The following TTC7B variants were observed in gnomAD, a reference collection of about 807,000 sequenced individuals.
The protein encoded by TTC7B is tetratricopeptide repeat domain 7B.
TTC7B carries 28 observed loss-of-function variants against 106.8 expected under a neutral mutation model. That is an observed-to-expected ratio of 0.26 (90% CI 0.19 to 0.36). TTC7B has a LOEUF of 0.36. Among genes scored for constraint, TTC7B ranks in the 10% least tolerant of loss-of-function variants. TTC7B has a pLI of 1.00. For missense variants in TTC7B, 862 were observed against 1,076.4 expected (o/e 0.80, Z 2.79); for synonymous variants, 405 against 430.6 (o/e 0.94, Z 0.74).
At chr14:90,615,853 C>G (rs778687836) in intron 16 of TTC7B, among the ~76,000 whole-genome samples, 1 of 152,114 alleles carries the variant, frequency 6.6e-6, no homozygotes, top group Admixed American at 6.5e-5. Flanking sequence ...TGCGGGGAGC[C>G]GGAGGGGGAA....
chr14:90,756,075 T>G (rs1595351108), intron 3 of TTC7B, among the ~76,000 whole-genome samples: 1 of 152,232 alleles, frequency 6.6e-6, no homozygotes, highest in East Asian at 1.9e-4. Flanking sequence ...TAACACATGA[T>G]GCCTTGTAAT....
At chr14:90,705,852 T>A (rs1326364026) in intron 5 of TTC7B, among the ~76,000 whole-genome samples, 1 of 152,212 alleles carries the variant, frequency 6.6e-6, no homozygotes, top group Non-Finnish European at 1.5e-5. Flanking sequence ...CTCTTTTTCT[T>A]ACAACTTATC....
chr14:90,770,689 G>A (rs1475566764), intron 3 of TTC7B, among the ~76,000 whole-genome samples: 1 of 151,138 alleles, frequency 6.6e-6, no homozygotes, highest in Non-Finnish European at 1.5e-5. Flanking sequence ...ACAGAAGTAA[G>A]GACATAGAGG....
At position 90,720,625 on chromosome 14, in the gene TTC7B, G is replaced by GCAGGAT. The variant is rs1888857114; in HGVS notation, c.698+9449_698+9450insATCCTG. ...TCTGAAAATACTGCCGTCTGATAAGGTCTTATATCAGCAATTCCCAGGGCA... is the reference window on the plus strand; with the variant it reads ...TCTGAAAATACTGCCGTCTGATAAGGCAGGATTCTTATATCAGCAATTCCCAGGGCA... On this transcript the variant is annotated intron_variant, in intron 5 of 19. Transcript: ENST00000328459. 3.9e-5 allele frequency among the ~76,000 whole-genome samples: 6 copies of GCAGGAT among 152,200 alleles called. No individual in the cohort carries two copies. The South Asian group carries it at 1.2e-3, about 32-fold the overall frequency.
intron 5 of TTC7B, chr14:90,699,051 C>T (rs961080409): frequency 1.3e-5 from 5 of 389,062 alleles, no homozygotes; most frequent in African/African-American, 2.1e-5. Context: ...TTCAACCCTC[C>T]CTCTCGACCC....
At position 90,695,502 on chromosome 14, in the gene TTC7B, T is replaced by A; in HGVS notation, c.775A>T (p.Met259Leu). ...ATCAAGTCACTGTTCACACTTACCA[T>A]TCGCAGGTTTTGAGTCGTTCTTGTT... ...VETRTTQNLR[M>L]TIARQLAEIL... Residue 259 changes from methionine to leucine, a missense_variant and splice_region_variant, in exon 6 of 20, where the codon ATG (methionine) becomes TTG (leucine). Coordinates refer to ENST00000328459, the MANE Select transcript of TTC7B (RefSeq NM_001010854.2). 1.3e-6 allele frequency: 2 copies of A among 1,591,310 alleles called. No individual in the cohort carries two copies. The highest frequency in any genetic ancestry group is 2.3e-5 in the East Asian group (1 of 43,808).
At chr14:90,604,457 G>A (rs900033296) in intron 17 of TTC7B, among the ~76,000 whole-genome samples, 16 of 152,282 alleles carry the variant, frequency 1.1e-4, no homozygotes, top group Admixed American at 9.1e-4. Context: ...GTTTCTCGGC[G>A]TGGATGGTTT....
chr14:90,673,181 G>A (rs1463312476), intron 9 of TTC7B, among the ~76,000 whole-genome samples: 1 of 152,186 alleles, frequency 6.6e-6, no homozygotes, highest in East Asian at 1.9e-4. Flanking sequence ...AAATGTGCAA[G>A]ATACTGTCCC....
chr14:90,554,836 G>A (rs1412869976), intron 19 of TTC7B, among the ~76,000 whole-genome samples: 2 of 152,248 alleles, frequency 1.3e-5, no homozygotes, highest in African/African-American at 4.8e-5. Context: ...AGAAGGAGCT[G>A]AAACTTCAAA....
intron 1 of TTC7B, among the ~76,000 whole-genome samples, chr14:90,788,780 TG>T (rs11287922): frequency 0.65 from 98,631 of 151,648 alleles, 35,756 homozygotes; most frequent in Non-Finnish European, 0.8. Flanking sequence ...CTGGCAAACA[TG>T]GTGAAACTCT....
intron 17 of TTC7B, among the ~76,000 whole-genome samples, chr14:90,604,330 A>G (rs978015960): frequency 7.9e-5 from 12 of 152,266 alleles, no homozygotes; most frequent in Non-Finnish European, 2.9e-5. Context: ...TAAGAAATGC[A>G]TGAAAAACAA....
At chr14:90,650,844 A>G (rs557064510) in intron 13 of TTC7B, among the ~76,000 whole-genome samples, 1 of 152,348 alleles carries the variant, frequency 6.6e-6, no homozygotes, top group South Asian at 2.1e-4. Flanking sequence ...GGTTGAGCTT[A>G]TGAGTGTAGG....
rs368886564 is a variant in TTC7B at position 90,807,431 on chromosome 14, G to A, written c.121+8744C>T. ...TTGGGGCCCTGGGATCCTGCTTCCT[G>A]AGTCCCTAAACCACTAAGACCTCCT... On this transcript the variant is annotated intron_variant, in intron 1 of 19. Coordinates refer to ENST00000328459, the MANE Select transcript of TTC7B (RefSeq NM_001010854.2). The surrounding 1 kb of genome is among the most constrained non-coding windows in gnomAD (Gnocchi z 4.1). Among the ~76,000 whole-genome samples the A allele has an allele frequency of 3.0e-4, 46 of 152,298 alleles. No individual in the cohort carries two copies. Among genetic ancestry groups the A allele is most frequent in the African/African-American group, 1.1e-3 (44 of 41,574 alleles).
chr14:90,533,163 ACAGGCACCGCCTCAGG>A lies in TTC7B; in HGVS notation c.*8189_*8204del, dbSNP rs1450263203. 1.3e-5 allele frequency: 2 copies of A among 152,382 alleles called. No individual in the cohort carries two copies. The highest frequency in any genetic ancestry group is 2.9e-5 in the Non-Finnish European group (2 of 68,204). 9.4% of individuals were successfully genotyped at this position (152,382 alleles called of 1,614,324 possible). A position where few individuals can be genotyped will look rare whatever the true frequency, so the allele number is the denominator to read the frequency against. On this transcript the variant is annotated 3_prime_UTR_variant, in exon 20 of 20. Coordinates refer to ENST00000328459, the MANE Select transcript of TTC7B (RefSeq NM_001010854.2). The stretch of plus-strand genomic sequence containing the variant: ...GGCCCACAACCCGAGCCCTTGGGCC[ACAGGCACCGCCTCAGG>A]CAGTGGCGGATGGGAGCCTCCTGTG...
intron 7 of TTC7B, 105 bp from the exon 8 acceptor site, chr14:90,680,640 G>A (rs1251114183): frequency 1.4e-6 from 1 of 726,806 alleles, no homozygotes; most frequent in Non-Finnish European, 2.3e-6. Context: ...TAATACCCAT[G>A]AAAAATACTG....
At chr14:90,613,558 A>C (rs1480484376) in intron 16 of TTC7B, among the ~76,000 whole-genome samples, 10 of 152,212 alleles carry the variant, frequency 6.6e-5, no homozygotes, top group Non-Finnish European at 1.3e-4. Context: ...GGCCTTGAGC[A>C]ACCCTGAGTC....
At position 90,578,278 on chromosome 14, in the gene TTC7B, G is replaced by C. The variant is rs1418387605; in HGVS notation, c.2138C>G (p.Ala713Gly). Residue 713 changes from alanine (A) to glycine (G), a missense_variant, in exon 19 of 20, where the codon GCA becomes GGA. Coordinates refer to ENST00000328459, the MANE Select transcript of TTC7B (RefSeq NM_001010854.2). The surrounding 1 kb of genome is among the most constrained non-coding windows in gnomAD (Gnocchi z 4.7). ...TTCTTGGGTACAGGCTGTGGCTTCT[G>C]CAGGCTTCCCGATGCCGATATAGAC... is the stretch of plus-strand genomic sequence containing the variant. ...AEVYIGIGKP[A>G]EATACTQEAA... 1.2e-6 allele frequency: 2 copies of C among 1,614,184 alleles called. No individual in the cohort carries two copies. Among genetic ancestry groups the C allele is most frequent in the South Asian group, 1.1e-5 (1 of 91,046 alleles).
At chr14:90,810,312 A>T (rs2030829180) in intron 1 of TTC7B, among the ~76,000 whole-genome samples, 1 of 152,204 alleles carries the variant, frequency 6.6e-6, no homozygotes, top group African/African-American at 2.4e-5. Context: ...TCTGGCCCCA[A>T]GGGCTTCCGA....
At chr14:90,673,328 G>T (rs1234880628) in intron 9 of TTC7B, among the ~76,000 whole-genome samples, 1 of 152,160 alleles carries the variant, frequency 6.6e-6, no homozygotes, top group African/African-American at 2.4e-5. Flanking sequence ...TATTTTGCAT[G>T]TATTGTTTGA....
Sources: allele counts gnomAD v4.1 joint callset (sites outside exome capture counted in the v4.1 genomes callset), GRCh38; gene constraint gnomAD v4.1.1; non-coding constraint Gnocchi (gnomAD v3.1); transcripts MANE v1.5; gene names NCBI Gene and HGNC (gene_info 2026-07-23, HGNC 2026-07-21).